SNX29: variants seen among roughly 807,000 people sequenced by gnomAD.
SNX29 encodes sorting nexin 29, also known as sorting nexin-29.
In SNX29, 78 loss-of-function variants were observed where a neutral mutation model predicts 102.1. The observed-to-expected ratio is 0.76, with a 90% CI of 0.64 to 0.92. The LOEUF (loss-of-function observed/expected upper bound fraction) is 0.92, where lower values mean the gene tolerates loss of function less well. Among genes scored for constraint, SNX29 ranks in the 40% least tolerant of loss-of-function variants. The pLI, the probability that SNX29 is intolerant of heterozygous loss-of-function variation, is 0.00. For synonymous variants in SNX29, 580 were observed against 414.5 expected (o/e 1.40, Z -4.85); for missense variants, 1,280 against 1,061.7 (o/e 1.21, Z -2.86).
At chr16:12,518,463 C>G (rs1271206644) in intron 19 of SNX29, among the ~76,000 whole-genome samples, 2 of 152,204 alleles carry the variant, frequency 1.3e-5, no homozygotes, top group Non-Finnish European at 2.9e-5. Context: ...CCTCAGGGCA[C>G]CACCTTGACC....
chr16:12,539,367 C>T (rs908023971), intron 20 of SNX29, among the ~76,000 whole-genome samples: 4 of 152,066 alleles, frequency 2.6e-5, no homozygotes, highest in Admixed American at 6.6e-5. Context: ...TGTAAGCAAC[C>T]TCTTGAGGCT....
chr16:12,048,521 C>G lies in SNX29; in HGVS notation c.649C>G (p.Leu217Val), dbSNP rs746036812. The change falls in exon 7 of 21, where the codon CTG becomes GTG. Residue 217 changes from leucine to valine, a missense_variant. Physicochemically the swap from Leu to Val is conservative, Grantham distance 32. Transcript: ENST00000566228. ...LKESTQGVSS[L>V]FREITASSAV... is the part of the protein sequence containing the mutation. ...GGAGTCCACGCAAGGAGTGAGCAGCCTGTTCAGGGAGATCACAGCCTCCTC... is the reference window on the plus strand; with the variant it reads ...GGAGTCCACGCAAGGAGTGAGCAGCGTGTTCAGGGAGATCACAGCCTCCTC... 80 of 1,613,828 alleles carry G rather than the reference C, an allele frequency of 5.0e-5. No individual in the cohort carries two copies. Among genetic ancestry groups the G allele is most frequent in the Non-Finnish European group, 6.8e-5 (80 of 1,179,876 alleles).
chr16:12,090,621 T>A lies in SNX29; in HGVS notation c.1402+11706T>A, dbSNP rs529592491. ...GCTGCCTGGTTTCCCATTTCCATCC[T>A]GGTTTCTCTCCAGATGGCCTCTGCC... is the stretch of plus-strand genomic sequence containing the variant. On this transcript the variant is annotated intron_variant, in intron 11 of 20. Transcript: ENST00000566228. 2.6e-5 allele frequency among the ~76,000 whole-genome samples: 4 copies of A among 152,350 alleles called. No homozygotes were observed. In the South Asian group the frequency reaches 8.3e-4, roughly 32 times the overall value.
intron 7 of SNX29, 23 bp from the exon 8 acceptor site, chr16:12,051,824 A>G (rs1230321623): frequency 3.8e-6 from 6 of 1,590,936 alleles, no homozygotes; most frequent in Non-Finnish European, 5.1e-6. Context: ...CTTATACTGT[A>G]TCTTTTTTTT....
chr16:12,191,752 G>A (rs1272886298), intron 13 of SNX29, among the ~76,000 whole-genome samples: 2 of 97,918 alleles, frequency 2.0e-5, no homozygotes, highest in East Asian at 5.2e-4. Flanking sequence ...CAGTGAACTT[G>A]ACCTTTGAAG....
chr16:12,063,663 G>A (rs2050888853), intron 9 of SNX29, among the ~76,000 whole-genome samples: 1 of 152,004 alleles, frequency 6.6e-6, no homozygotes, highest in Admixed American at 6.6e-5. Flanking sequence ...ATAGGCATGA[G>A]CCACCGTGCC....
At chr16:12,548,907 C>T (rs773396147) in intron 20 of SNX29, among the ~76,000 whole-genome samples, 5 of 152,202 alleles carry the variant, frequency 3.3e-5, no homozygotes, top group Non-Finnish European at 5.9e-5. Flanking sequence ...CTCACTCGGG[C>T]TGTAGGTATT....
intron 18 of SNX29, among the ~76,000 whole-genome samples, chr16:12,433,199 C>A (rs1389845892): frequency 6.6e-6 from 1 of 152,208 alleles, no homozygotes; most frequent in East Asian, 1.9e-4. Flanking sequence ...CAGTTCTGGG[C>A]AGCTTTTGTC....
chr16:12,102,359 T>C (rs1319064913), intron 11 of SNX29, among the ~76,000 whole-genome samples: 1 of 152,248 alleles, frequency 6.6e-6, no homozygotes, highest in African/African-American at 2.4e-5. Flanking sequence ...TCCACAATGG[T>C]TGAACTAATT....
chr16:12,390,618 C>T (rs2083496601), intron 16 of SNX29, among the ~76,000 whole-genome samples: 1 of 152,200 alleles, frequency 6.6e-6, no homozygotes, highest in Non-Finnish European at 1.5e-5. Context: ...GCCCCTCATT[C>T]TGGGCGAGGG....
At chr16:12,417,492 C>T (rs1042835014) in intron 18 of SNX29, among the ~76,000 whole-genome samples, 3 of 152,128 alleles carry the variant, frequency 2.0e-5, no homozygotes, top group African/African-American at 7.2e-5. Context: ...TTCTCCTTTC[C>T]TTCCTTCTCT....
At chr16:12,540,923 C>A (rs1042613169) in intron 20 of SNX29, among the ~76,000 whole-genome samples, 2 of 152,332 alleles carry the variant, frequency 1.3e-5, no homozygotes, top group South Asian at 2.1e-4. Context: ...TGTCTGTTCA[C>A]CCCCTGCCCA....
rs574272478 is a variant in SNX29, at chr16:12,573,303, G to A, written c.*4674G>A. On this transcript the variant is annotated 3_prime_UTR_variant, in exon 21 of 21. Transcript: ENST00000566228. The stretch of plus-strand genomic sequence containing the variant: ...TAGCCATGAGCCATTGCCATCTTAT[G>A]GGCCCGATTTGGGTACTCTGAATTA... The A allele has an allele frequency of 4.4e-6, 1 of 226,968 alleles. No homozygotes were observed. The highest frequency in any genetic ancestry group is 6.3e-5 in the East Asian group (1 of 15,786). 14.1% of individuals were successfully genotyped at this position (226,968 alleles called of 1,614,324 possible). A position where few individuals can be genotyped will look rare whatever the true frequency, so the allele number is the denominator to read the frequency against.
At chr16:12,273,204 T>C (rs563552539) in intron 14 of SNX29, among the ~76,000 whole-genome samples, 21 of 152,192 alleles carry the variant, frequency 1.4e-4, no homozygotes, top group Non-Finnish European at 2.9e-4. Flanking sequence ...TGGCCTACTC[T>C]AGCCAGAAGC....
chr16:12,006,908 A>G (rs778588333), intron 3 of SNX29, among the ~76,000 whole-genome samples: 1 of 152,176 alleles, frequency 6.6e-6, no homozygotes, highest in African/African-American at 2.4e-5. Flanking sequence ...TATGAGCCAC[A>G]CTGTGCCTGG....
At chr16:12,223,896 T>A (rs138439206) in intron 14 of SNX29, among the ~76,000 whole-genome samples, 2 of 152,314 alleles carry the variant, frequency 1.3e-5, no homozygotes, top group African/African-American at 4.8e-5. Context: ...TACTTTATGA[T>A]ACGTTCTGAT....
At chr16:12,315,033 A>G (rs1425766558) in intron 15 of SNX29, among the ~76,000 whole-genome samples, 1 of 152,306 alleles carries the variant, frequency 6.6e-6, no homozygotes, top group Admixed American at 6.5e-5. Context: ...TCTGTTCCCT[A>G]ATTTTCTGCA....
intron 8 of SNX29, 92 bp from the exon 9 acceptor site, chr16:12,061,436 A>G (rs111520893): frequency 0.017 from 17,579 of 1,019,842 alleles, 325 homozygotes; most frequent in South Asian, 0.06. Flanking sequence ...TGGCCTGGTT[A>G]GTTCTCAGGA....
intron 15 of SNX29, among the ~76,000 whole-genome samples, chr16:12,326,787 G>C (rs1044037794): frequency 6.6e-6 from 1 of 152,216 alleles, no homozygotes; most frequent in African/African-American, 2.4e-5. Context: ...TGTGGTGCAG[G>C]TGGCACTGAG....
Sources: allele counts gnomAD v4.1 joint callset (sites outside exome capture counted in the v4.1 genomes callset), GRCh38; gene constraint gnomAD v4.1.1; transcripts MANE v1.5; gene names NCBI Gene and HGNC (gene_info 2026-07-23, HGNC 2026-07-21).